The following OGDH variants were observed in gnomAD, a reference collection of about 807,000 sequenced individuals.
OGDH encodes the protein oxoglutarate dehydrogenase.
A neutral mutation model predicts 116.6 loss-of-function variants in OGDH; 38 were observed. The ratio of observed to expected loss-of-function variants is 0.33; its 90% CI spans 0.25 to 0.43. OGDH has a LOEUF of 0.43. Among genes scored for constraint, OGDH ranks in the 20% least tolerant of loss-of-function variants. The pLI is 1.00. For missense variants in OGDH, 825 were observed against 1,357.2 expected (o/e 0.61, Z 6.16); for synonymous variants, 488 against 533.3 (o/e 0.92, Z 1.17).
At chr7:44,689,012 G>A (rs571425967) in intron 10 of OGDH, among the ~76,000 whole-genome samples, 2 of 151,882 alleles carry the variant, frequency 1.3e-5, no homozygotes, top group Admixed American at 6.6e-5. Flanking sequence ...AGCCTCCCAA[G>A]GTGCTCTTAT....
chr7:44,688,465 C>G (rs1381017012), intron 10 of OGDH, among the ~76,000 whole-genome samples: 1 of 134,972 alleles, frequency 7.4e-6, no homozygotes, highest in East Asian at 2.2e-4. Flanking sequence ...GAGTCTCGCT[C>G]TGTCGCCCAA....
intron 1 of OGDH, among the ~76,000 whole-genome samples, chr7:44,615,482 C>T (rs1453696217): frequency 3.9e-5 from 6 of 152,174 alleles, no homozygotes; most frequent in Admixed American, 3.9e-4. Flanking sequence ...CATTATTCAC[C>T]AGGTGGGGAT....
At chr7:44,638,350 A>G (rs1026843810) in intron 2 of OGDH, among the ~76,000 whole-genome samples, 5 of 152,222 alleles carry the variant, frequency 3.3e-5, no homozygotes, top group Non-Finnish European at 1.5e-5. Context: ...CACTTACTTC[A>G]TAAAGAAACC....
chr7:44,667,574 A>G (rs950458305), intron 5 of OGDH, among the ~76,000 whole-genome samples: 1 of 152,068 alleles, frequency 6.6e-6, no homozygotes, highest in Non-Finnish European at 1.5e-5. Flanking sequence ...CTGCCAGGAA[A>G]TTCTTTCATT....
intron 20 of OGDH, among the ~76,000 whole-genome samples, chr7:44,703,631 AATTGC>A (rs1788939103): frequency 6.6e-6 from 1 of 152,030 alleles, no homozygotes; most frequent in Admixed American, 6.6e-5. Flanking sequence ...GAGGCAGGAG[AATTGC>A]TTGAACCTGG....
chr7:44,672,943 G>A (rs570731103), intron 5 of OGDH, among the ~76,000 whole-genome samples: 3 of 151,984 alleles, frequency 2.0e-5, no homozygotes, highest in South Asian at 4.2e-4. Context: ...GCCTGGCCCC[G>A]AGATGGACTT....
intron 1 of OGDH, among the ~76,000 whole-genome samples, chr7:44,609,633 A>G (rs147919636): frequency 1.1e-3 from 174 of 152,150 alleles, no homozygotes; most frequent in African/African-American, 4.1e-3. Flanking sequence ...TTCTTTGGCT[A>G]TTACAAATAA....
Position 44,708,090 on chromosome 7 carries a change from C to T in OGDH, c.*91C>T. ...TAAAGAATAGTGCCTCAGCGCTGCC[C>T]ACACCACCGCCCTCCTCGCTGTGCC... On this transcript the variant is annotated 3_prime_UTR_variant, in exon 23 of 23. Transcript: ENST00000222673. 2 of 1,499,060 alleles carry T rather than the reference C, an allele frequency of 1.3e-6. No individual in the cohort carries two copies. Among genetic ancestry groups the T allele is most frequent in the Non-Finnish European group, 1.8e-6 (2 of 1,114,706 alleles). 92.9% of individuals were successfully genotyped at this position (1,499,060 alleles called of 1,614,324 possible).
intron 1 of OGDH, among the ~76,000 whole-genome samples, chr7:44,610,178 G>A (rs1024780937): frequency 6.6e-6 from 1 of 151,958 alleles, no homozygotes; most frequent in African/African-American, 2.4e-5. Flanking sequence ...TAGATTGTTC[G>A]GTTTTTGTTA....
rs534437560 is a variant in OGDH at position 44,662,742 on chromosome 7, G to A, written c.518-3994G>A. ...CTCCCAAAGTGCTGGGATTACCGGC[G>A]TGAGCCACTGTGCCCAGCCTATACC... On this transcript the variant is annotated intron_variant, in intron 4 of 22. Transcript: ENST00000222673. 2.2e-3 allele frequency among the ~76,000 whole-genome samples: 338 copies of A among 152,248 alleles called. 2 individuals carry two copies. The highest frequency in any genetic ancestry group is 0.018 in the South Asian group (87 of 4,828).
chr7:44,610,305 T>G (rs551450253), intron 1 of OGDH, among the ~76,000 whole-genome samples: 7 of 152,152 alleles, frequency 4.6e-5, no homozygotes, highest in Non-Finnish European at 7.4e-5. Flanking sequence ...GTTTTTTTTT[T>G]GTTTGTTTGT....
At chr7:44,630,853 G>A (rs1785409206) in intron 2 of OGDH, among the ~76,000 whole-genome samples, 1 of 152,234 alleles carries the variant, frequency 6.6e-6, no homozygotes. Context: ...TGGCTTTGCA[G>A]TGAAACTGTT....
intron 3 of OGDH, 72 bp from the exon 4 acceptor site, chr7:44,647,585 T>TA (rs397888922): frequency 2.5e-6 from 4 of 1,578,306 alleles, no homozygotes; most frequent in East Asian, 4.5e-5. Context: ...ACTTTTTTTT[T>TA]ACCCCTTCCC....
intron 3 of OGDH, 87 bp from the exon 4 acceptor site, chr7:44,647,570 A>G (rs1413991442): frequency 6.4e-7 from 1 of 1,570,758 alleles, no homozygotes; most frequent in Non-Finnish European, 8.7e-7. Context: ...TTTTAATGTA[A>G]TTTTACTTTT....
At chr7:44,616,793 ATGTG>A (rs1202000699) in intron 1 of OGDH, among the ~76,000 whole-genome samples, 2 of 105,904 alleles carry the variant, frequency 1.9e-5, no homozygotes, top group African/African-American at 3.1e-5. Flanking sequence ...GCATATATAT[ATGTG>A]TATATATATG....
At position 44,681,768 on chromosome 7, in the gene OGDH, A is replaced by G; in HGVS notation, c.1255A>G (p.Ile419Val). 6.2e-7 allele frequency: 1 copy of G among 1,614,092 alleles called. No individual in the cohort carries two copies. ...HGDAAFAGQG[I>V]VYETFHLSDL... ...GGATGCTGCATTTGCTGGCCAGGGC[A>G]TTGTGTACGAGACCTTCCACCTCAG... Residue 419 changes from isoleucine (I) to valine (V), a missense_variant, in exon 10 of 23, where the codon ATT becomes GTT. Coordinates refer to ENST00000222673, the MANE Select transcript of OGDH (RefSeq NM_002541.4).
In OGDH at chr7:44,708,202, T is replaced by A; in HGVS notation, c.*203T>A. The A allele has an allele frequency of 1.5e-6, 1 of 646,684 alleles. No individual in the cohort carries two copies. The highest frequency in any genetic ancestry group is 2.5e-6 in the Non-Finnish European group (1 of 397,454). The allele number at this position is 646,684 out of a possible 1,614,324, so 40.1% of individuals were successfully genotyped here. On this transcript the variant is annotated 3_prime_UTR_variant, in exon 23 of 23. Transcript: ENST00000222673. ...CCCACAGGCCACACGCTGCCCAGGC[T>A]CTGCTGACTTCTGAGCAGTTTTCCA... is the stretch of plus-strand genomic sequence containing the variant.
chr7:44,698,666 C>A (rs1788694776), intron 18 of OGDH, among the ~76,000 whole-genome samples: 1 of 151,970 alleles, frequency 6.6e-6, no homozygotes. Flanking sequence ...CATGGTGAGA[C>A]CCCGTCTCTA....
Position 44,696,968 on chromosome 7 carries a change from A to T in OGDH, c.1955A>T (p.Asp652Val). The change falls in exon 15 of 23, where the codon GAC becomes GTC. Residue 652 changes from aspartate (D) to valine (V), a missense_variant. Around this residue, in one of 7 missense-constraint regions of OGDH, gnomAD observed 92 missense variants for 129.7 expected, o/e 0.71. Transcript: ENST00000222673. The part of the protein sequence containing the change: ...RGEMVKNRTV[D>V]WALAEYMAFG... ...GAAATGGTGAAGAACCGGACTGTGG[A>T]CTGGGCTCTAGCGGAGTACATGGCG... is the stretch of plus-strand genomic sequence containing the variant. The T allele has an allele frequency of 6.2e-7, 1 of 1,614,226 alleles. No individual in the cohort carries two copies. Among genetic ancestry groups the T allele is most frequent in the Non-Finnish European group, 8.5e-7 (1 of 1,180,020 alleles).
Sources: allele counts gnomAD v4.1 joint callset (sites outside exome capture counted in the v4.1 genomes callset), GRCh38; gene constraint gnomAD v4.1.1; regional missense constraint gnomAD v4.1.1; transcripts MANE v1.5; gene names NCBI Gene and HGNC (gene_info 2026-07-23, HGNC 2026-07-21).